Variants in XRCC5 observed in about 807,000 individuals in gnomAD.
XRCC5 encodes the protein DNA repair protein Ku80.
A neutral mutation model predicts 95.7 loss-of-function variants in XRCC5; 12 were observed. The observed-to-expected ratio is 0.13, with a 90% CI of 0.08 to 0.20. The LOEUF (loss-of-function observed/expected upper bound fraction) is 0.20. Among genes scored for constraint, XRCC5 ranks in the 10% least tolerant of loss-of-function variants. The pLI, the probability that XRCC5 is intolerant of heterozygous loss-of-function variation, is 1.00. For synonymous variants in XRCC5, 281 were observed against 290.3 expected (o/e 0.97, Z 0.33); for missense variants, 595 against 873.9 (o/e 0.68, Z 4.02).
intron 16 of XRCC5, among the ~76,000 whole-genome samples, chr2:216,183,458 G>A (rs1251767659): frequency 3.3e-5 from 5 of 152,174 alleles, no homozygotes; most frequent in African/African-American, 9.7e-5. Context: ...GACTGAACTT[G>A]TGGAACTTAA....
chr2:216,114,287 A>G (rs949411362), intron 2 of XRCC5, among the ~76,000 whole-genome samples: 9 of 151,806 alleles, frequency 5.9e-5, no homozygotes, highest in African/African-American at 1.7e-4. Flanking sequence ...CTCCTCCTGG[A>G]CACTTCTGTT....
intron 14 of XRCC5, among the ~76,000 whole-genome samples, chr2:216,152,845 AC>A (rs1033981187): frequency 6.6e-6 from 1 of 151,862 alleles, no homozygotes; most frequent in African/African-American, 2.4e-5. Context: ...ATAGAGTCTT[AC>A]TTTGTTCCCT....
intron 19 of XRCC5, among the ~76,000 whole-genome samples, chr2:216,198,322 G>GA (rs3841889): frequency 0.72 from 110,082 of 152,020 alleles, 41,373 homozygotes; most frequent in East Asian, 0.95. Flanking sequence ...GAATAACCTG[G>GA]AAGTCATAGA....
chr2:216,155,301 CAAAAAATAATTTTTCAATTTTTCCATGG>C (rs1688821053), intron 14 of XRCC5, among the ~76,000 whole-genome samples: 3 of 145,446 alleles, frequency 2.1e-5, no homozygotes, highest in Admixed American at 2.0e-4. Context: ...CTTGGCAAAT[CAAAAAATAATTTTTCAATTTTTCCATGG>C]AAAAATGGTC....
intron 5 of XRCC5, among the ~76,000 whole-genome samples, chr2:216,120,704 T>C (rs1351282944): frequency 6.6e-6 from 1 of 151,894 alleles, no homozygotes. Flanking sequence ...TATAGATGCA[T>C]GTTACCACAC....
Position 216,116,654 on chromosome 2 carries a change from T to TC in XRCC5, c.136-4dup, listed in dbSNP as rs773135118. 136 of 1,613,994 alleles carry TC rather than the reference T, an allele frequency of 8.4e-5. No homozygotes were observed. The highest frequency in any genetic ancestry group is 1.0e-4 in the Non-Finnish European group (122 of 1,179,940). ...GGTTTTCAGCCATCTGACATTTTTT[T>TC]CTAGGTGTTTGCTGAGAACAAGGAT... On this transcript the variant is annotated splice_polypyrimidine_tract_variant and splice_region_variant and intron_variant, in intron 2 of 20. Transcript: ENST00000392132.
intron 15 of XRCC5, among the ~76,000 whole-genome samples, chr2:216,160,475 A>G (rs1688931600): frequency 2.6e-5 from 4 of 152,238 alleles, no homozygotes; most frequent in African/African-American, 9.6e-5. Flanking sequence ...AAATGATAGG[A>G]TAAGTGGGGG....
At chr2:216,135,700 G>A (rs1006144139) in intron 10 of XRCC5, among the ~76,000 whole-genome samples, 8 of 152,038 alleles carry the variant, frequency 5.3e-5, no homozygotes, top group African/African-American at 1.7e-4. Flanking sequence ...TCGGGAGGCT[G>A]AGGCACAAAC....
At chr2:216,187,300 A>AT (rs202191623) in intron 16 of XRCC5, among the ~76,000 whole-genome samples, 12,086 of 148,792 alleles carry the variant, frequency 0.081, 1,562 homozygotes, top group African/African-American at 0.28. Flanking sequence ...TTAGGACTTC[A>AT]TTTTTTTTTT....
At chr2:216,203,716 A>T (rs41296821) in intron 19 of XRCC5, among the ~76,000 whole-genome samples, 8 of 152,220 alleles carry the variant, frequency 5.3e-5, no homozygotes, top group Admixed American at 2.0e-4. Context: ...TCTAACACAA[A>T]TTGAAAGATT....
intron 13 of XRCC5, among the ~76,000 whole-genome samples, chr2:216,146,105 TTACTGATGC>T (rs1688627708): frequency 6.6e-6 from 1 of 152,182 alleles, no homozygotes; most frequent in African/African-American, 2.4e-5. Flanking sequence ...AGGCCTGATG[TTACTGATGC>T]TCAAGGGAAA....
At chr2:216,118,404 T>G (rs887220157) in intron 4 of XRCC5, among the ~76,000 whole-genome samples, 2 of 152,170 alleles carry the variant, frequency 1.3e-5, no homozygotes, top group Non-Finnish European at 2.9e-5. Context: ...CTCAGACTCT[T>G]GGCTTCAAGC....
intron 10 of XRCC5, among the ~76,000 whole-genome samples, chr2:216,136,073 C>T (rs1405617416): frequency 6.6e-6 from 1 of 151,912 alleles, no homozygotes; most frequent in African/African-American, 2.4e-5. Context: ...AATGAATGTA[C>T]AGGCCTGGTG....
At chr2:216,122,987 A>C (rs1319832809) in intron 6 of XRCC5, among the ~76,000 whole-genome samples, 1 of 152,202 alleles carries the variant, frequency 6.6e-6, no homozygotes, top group Non-Finnish European at 1.5e-5. Context: ...CCTAAGAAGA[A>C]TCGGTGGCAT....
intron 6 of XRCC5, among the ~76,000 whole-genome samples, chr2:216,124,683 TAA>T (rs1696875739): frequency 6.6e-6 from 1 of 152,220 alleles, no homozygotes; most frequent in Non-Finnish European, 1.5e-5. Flanking sequence ...TGTCTGTCCA[TAA>T]CTCTGTGGAT....
chr2:216,167,626 T>TACA (rs1559254118), intron 16 of XRCC5, among the ~76,000 whole-genome samples: 4 of 150,208 alleles, frequency 2.7e-5, no homozygotes, highest in East Asian at 3.9e-4. Context: ...TTTTTTTTAA[T>TACA]TGATCCTGAT....
intron 16 of XRCC5, among the ~76,000 whole-genome samples, chr2:216,187,121 C>T (rs1689507800): frequency 1.3e-5 from 2 of 152,136 alleles, no homozygotes; most frequent in Admixed American, 6.5e-5. Flanking sequence ...TTACAAGCCA[C>T]GTAACTGAGT....
At chr2:216,147,076 C>T (rs572244749) in intron 13 of XRCC5, among the ~76,000 whole-genome samples, 1 of 54,240 alleles carries the variant, frequency 1.8e-5, no homozygotes, top group South Asian at 5.5e-4. Flanking sequence ...CAGAAAATGA[C>T]TGGGGTGGTA....
chr2:216,142,189 C>T (rs959448857), intron 13 of XRCC5, among the ~76,000 whole-genome samples: 3 of 152,148 alleles, frequency 2.0e-5, no homozygotes, highest in Non-Finnish European at 4.4e-5. Context: ...GGCTTTTCTC[C>T]TGTATTGTAT....
Sources: gnomAD v4.1 joint callset for allele counts (sites outside exome capture counted in the v4.1 genomes callset) on GRCh38, gnomAD v4.1.1 for gene constraint, MANE v1.5 for transcripts, NCBI Gene and HGNC (gene_info 2026-07-23, HGNC 2026-07-21) for gene names.